POGK: variants seen among roughly 807,000 people sequenced by gnomAD.
POGK encodes pogo transposable element derived with KRAB domain.
POGK carries 16 observed loss-of-function variants against 54.4 expected under a neutral mutation model. The ratio of observed to expected loss-of-function variants is 0.29; its 90% CI spans 0.20 to 0.45. The LOEUF (loss-of-function observed/expected upper bound fraction) is 0.45. POGK is among the 20% of genes least tolerant of loss of function. The pLI is 1.00. For synonymous variants in POGK, 271 were observed against 302.2 expected, an observed-to-expected ratio of 0.90 and a Z score of 1.07; for missense variants, 515 against 795.6, an observed-to-expected ratio of 0.65 and a Z score of 4.24.
intron 4 of POGK, among the ~76,000 whole-genome samples, chr1:166,848,384 T>C (rs928843657): frequency 6.6e-6 from 1 of 152,252 alleles, no homozygotes; most frequent in African/African-American, 2.4e-5. Context: ...CTTCTAAATA[T>C]AAAGTGAAAC....
At position 166,852,952 on chromosome 1, in the gene POGK, C is replaced by T. The variant is rs1571231609; in HGVS notation, c.*382C>T. ...CAATTTATTCAACACCAACGAGGGA[C>T]TCATCATATGGGCACAACTCTGGTG... On this transcript the variant is annotated 3_prime_UTR_variant, in exon 6 of 6. Transcript: ENST00000367876. The T allele has an allele frequency of 1.3e-5, 2 of 152,352 alleles. No individual in the cohort carries two copies. The highest frequency in any genetic ancestry group is 2.9e-5 in the Non-Finnish European group (2 of 68,034). The allele number at this position is 152,352 out of a possible 1,614,324, so 9.4% of individuals were successfully genotyped here. A position where few individuals can be genotyped will look rare whatever the true frequency, so the allele number is the denominator to read the frequency against.
Position 166,848,926 on chromosome 1 carries a change from T to C in POGK, c.359-12T>C. On this transcript the variant is annotated splice_polypyrimidine_tract_variant and intron_variant, in intron 4 of 5. Coordinates refer to ENST00000367876, the MANE Select transcript of POGK (RefSeq NM_017542.5). ...CTGGCATTATTTTTGCCCCTCACTA[T>C]TTGTCTCCCAGAAAATGAAGAATCT... The C allele has an allele frequency of 6.4e-7, 1 of 1,573,312 alleles. No individual in the cohort carries two copies.
Position 166,849,557 on chromosome 1 carries a change from C to G in POGK, c.978C>G (p.Pro326=). 6.2e-7 allele frequency: 1 copy of G among 1,614,250 alleles called. No individual in the cohort carries two copies. ...ACCTGTCTCTGAGGCATAAAGTGCC[C>G]GTGCCCCAGCACCTGCCGGAAGACC... ...RYDLSLRHKV[P]VPQHLPEDLT... The change falls in exon 5 of 6, where the codon CCC becomes CCG. Residue 326 remains proline, a synonymous_variant. Coordinates refer to ENST00000367876, the MANE Select transcript of POGK (RefSeq NM_017542.5).
Position 166,841,066 on chromosome 1 carries a change from G to C in POGK, c.110G>C (p.Arg37Pro). The C allele has an allele frequency of 6.2e-7, 1 of 1,613,976 alleles. No individual in the cohort carries two copies. The highest frequency in any genetic ancestry group is 8.5e-7 in the Non-Finnish European group (1 of 1,179,978). The change falls in exon 2 of 6, where the codon CGA (arginine) becomes CCA (proline). Residue 37 changes from arginine (R) to proline (P), a missense_variant. Around this residue, in one of 2 missense-constraint regions of POGK, gnomAD observed 54 missense variants for 52.0 expected, o/e 1.04. Coordinates refer to ENST00000367876, the MANE Select transcript of POGK (RefSeq NM_017542.5). ...GGCCCGGCAGACATGCAGAAAGTAC[G>C]AATCTGCTCTGAGGGCGGATGGGTA... ...EDGPADMQKV[R>P]ICSEGGWVPA...
intron 4 of POGK, among the ~76,000 whole-genome samples, chr1:166,848,019 T>C (rs1657912853): frequency 6.6e-6 from 1 of 152,216 alleles, no homozygotes; most frequent in African/African-American, 2.4e-5. Flanking sequence ...AATCATAGCA[T>C]ACATTTGAGC....
intron 5 of POGK, 178 bp downstream of exon 5, chr1:166,850,601 C>T: frequency 1.6e-6 from 1 of 625,568 alleles, no homozygotes; most frequent in Non-Finnish European, 2.6e-6. Context: ...CTGTCAGGAA[C>T]TGGGCTGCAC....
chr1:166,839,797 T>G (rs1571216666), intron 1 of POGK, 193 bp downstream of exon 1: 2 of 138,906 alleles, frequency 1.4e-5, no homozygotes, highest in African/African-American at 5.4e-5. Flanking sequence ...GGGGGCCAGG[T>G]GGGGAGGCGG....
chr1:166,851,273 A>C (rs1658053041), intron 5 of POGK: 1 of 152,154 alleles, frequency 6.6e-6, no homozygotes. Flanking sequence ...TCAGTCCTGG[A>C]GCTATCTACA....
At chr1:166,839,647 C>T (rs1356652738) in intron 1 of POGK, 43 bp downstream of exon 1, 1 of 145,200 alleles carries the variant, frequency 6.9e-6, no homozygotes, top group Non-Finnish European at 1.5e-5. Context: ...CGGCCCCTCC[C>T]CCGGGTCCCG....
intron 2 of POGK, among the ~76,000 whole-genome samples, chr1:166,842,706 T>G (rs1393806284): frequency 6.6e-6 from 1 of 152,124 alleles, no homozygotes; most frequent in African/African-American, 2.4e-5. Flanking sequence ...CCTGGATATT[T>G]GGCAATATCT....
chr1:166,842,831 G>GC (rs1194110366), intron 2 of POGK, among the ~76,000 whole-genome samples: 5 of 151,794 alleles, frequency 3.3e-5, no homozygotes, highest in African/African-American at 1.2e-4. Context: ...TGCACAGGAT[G>GC]CCCCCCCACC....
chr1:166,849,633 G>A lies in POGK; in HGVS notation c.1054G>A (p.Ala352Thr). ...YQRSVLALRR[A>T]HDYEVAQMGN... Reference sequence around the variant, plus strand: ...GCGCAGTGTCCTGGCTCTGCGCAGGGCGCATGACTATGAGGTAGCTCAGAT... The same window carrying A: ...GCGCAGTGTCCTGGCTCTGCGCAGGACGCATGACTATGAGGTAGCTCAGAT... The change falls in exon 5 of 6, where the codon GCG (alanine) becomes ACG (threonine). Residue 352 changes from alanine (A) to threonine (T), a missense_variant. Physicochemically the swap from Ala to Thr is moderately conservative, Grantham distance 58. Coordinates refer to ENST00000367876, the MANE Select transcript of POGK (RefSeq NM_017542.5). 6.2e-7 allele frequency: 1 copy of A among 1,614,282 alleles called. No individual in the cohort carries two copies. The highest frequency in any genetic ancestry group is 8.5e-7 in the Non-Finnish European group (1 of 1,180,056).
At position 166,854,380 on chromosome 1, in the gene POGK, C is replaced by T. The variant is rs1203050051; in HGVS notation, c.*1810C>T. Reference sequence around the variant, plus strand: ...CAACTATTTTGCAGAATGGCTGTTACCCTAGAATTACTATAGCACATATTG... The same window carrying T: ...CAACTATTTTGCAGAATGGCTGTTATCCTAGAATTACTATAGCACATATTG... On this transcript the variant is annotated 3_prime_UTR_variant, in exon 6 of 6. Transcript: ENST00000367876. 2.0e-5 allele frequency: 3 copies of T among 152,604 alleles called. No homozygotes were observed. The highest frequency in any genetic ancestry group is 2.9e-5 in the Non-Finnish European group (2 of 68,034). 9.5% of individuals were successfully genotyped at this position (152,604 alleles called of 1,614,324 possible).
In POGK at chr1:166,849,656, G is replaced by A; in HGVS notation, c.1077G>A (p.Gln359=). The change falls in exon 5 of 6, where the codon CAG becomes CAA. Residue 359 remains glutamine (Q), a synonymous_variant. Transcript: ENST00000367876. ...LRRAHDYEVA[Q]MGNADETPIC... is the part of the protein sequence containing the mutation. ...GGGCGCATGACTATGAGGTAGCTCAGATGGGGAATGCAGATGAGACGCCCA... is the reference window on the plus strand; with the variant it reads ...GGGCGCATGACTATGAGGTAGCTCAAATGGGGAATGCAGATGAGACGCCCA... 2 of 1,614,284 alleles carry A rather than the reference G, an allele frequency of 1.2e-6. No homozygotes were observed. The highest frequency in any genetic ancestry group is 1.7e-6 in the Non-Finnish European group (2 of 1,180,056).
At position 166,846,731 on chromosome 1, in the gene POGK, G is replaced by A; in HGVS notation, c.252G>A (p.Leu84=). ...EVMRMNYETV[L]SLEFPFPKPD... is the part of the protein sequence containing the mutation. The stretch of plus-strand genomic sequence containing the variant: ...TGAGGATGAATTATGAAACTGTCCT[G>A]TCCCTGGGTAAAGCTGTGTTTTCCT... The change falls in exon 3 of 6, where the codon CTG becomes CTA. Residue 84 remains leucine (L), a synonymous_variant. Coordinates refer to ENST00000367876, the MANE Select transcript of POGK (RefSeq NM_017542.5). 2 of 1,614,164 alleles carry A rather than the reference G, an allele frequency of 1.2e-6. No individual in the cohort carries two copies. The highest frequency in any genetic ancestry group is 1.7e-5 in the Admixed American group (1 of 60,020).
At chr1:166,846,567 G>A in intron 2 of POGK, 45 bp from the exon 3 acceptor site, 1 of 1,612,634 alleles carries the variant, frequency 6.2e-7, no homozygotes, top group Non-Finnish European at 8.5e-7. Context: ...AAGTCTGTCT[G>A]CATATGCCTG....
chr1:166,855,879 T>C lies in POGK; in HGVS notation c.*3309T>C, dbSNP rs892192666. 1.2e-5 allele frequency: 1 copy of C among 83,690 alleles called. No homozygotes were observed. Among genetic ancestry groups the C allele is most frequent in the African/African-American group, 6.8e-5 (1 of 14,646 alleles). 5.2% of individuals were successfully genotyped at this position (83,690 alleles called of 1,614,324 possible). On this transcript the variant is annotated 3_prime_UTR_variant, in exon 6 of 6. Transcript: ENST00000367876. ...ATTAAGGCCCAGGTATATTGAGTAGTCCAAACCAAAAAACTATATTCGAGT... is the reference window on the plus strand; with the variant it reads ...ATTAAGGCCCAGGTATATTGAGTAGCCCAAACCAAAAAACTATATTCGAGT...
intron 2 of POGK, among the ~76,000 whole-genome samples, chr1:166,841,643 A>C (rs758043500): frequency 2.0e-5 from 3 of 152,270 alleles, no homozygotes; most frequent in Non-Finnish European, 2.9e-5. Flanking sequence ...CAAATGCAGT[A>C]GATACTTATA....
At chr1:166,845,091 C>T (rs1427785588) in intron 2 of POGK, among the ~76,000 whole-genome samples, 1 of 152,074 alleles carries the variant, frequency 6.6e-6, no homozygotes, top group African/African-American at 2.4e-5. Context: ...CAGCTGTGCT[C>T]GGTATTGCTG....
Sources: gnomAD v4.1 joint callset for allele counts (sites outside exome capture counted in the v4.1 genomes callset) on GRCh38, gnomAD v4.1.1 for gene constraint, gnomAD v4.1.1 regional missense constraint, MANE v1.5 for transcripts, NCBI Gene and HGNC (gene_info 2026-07-23, HGNC 2026-07-21) for gene names.